The following UGT1A7 variants were observed in gnomAD, a reference collection of about 807,000 sequenced individuals.
UGT1A7 encodes the protein UDP glucuronosyltransferase family 1 member A7.
In UGT1A7, 33 loss-of-function variants were observed where a neutral mutation model predicts 45.6. The observed-to-expected ratio is 0.72, with a 90% confidence interval of 0.55 to 0.97. The LOEUF is 0.97. Ranked by LOEUF, UGT1A7 falls within the 50% of genes least tolerant of loss-of-function variation. The probability of loss-of-function intolerance (pLI) is 0.00; values close to 1 mark genes in which losing one functional copy is unlikely to be tolerated. For synonymous variants in UGT1A7, 274 were observed against 250.6 expected (o/e 1.09, Z -0.88); for missense variants, 684 against 666.2 (o/e 1.03, Z -0.29).
At chr2:233,726,002 C>CA (rs1248368062) in intron 1 of UGT1A7, among the ~76,000 whole-genome samples, 5 of 151,912 alleles carry the variant, frequency 3.3e-5, no homozygotes, top group African/African-American at 1.2e-4. Flanking sequence ...TGCATCTCTA[C>CA]AAAAAATCAA....
chr2:233,683,060 C>A (rs1310432947), intron 1 of UGT1A7, among the ~76,000 whole-genome samples: 6 of 152,048 alleles, frequency 3.9e-5, no homozygotes, highest in Admixed American at 2.6e-4. Context: ...TACAAAAAAA[C>A]CACAGTAAGA....
chr2:233,766,431 T>C (rs2126025401), intron 1 of UGT1A7, among the ~76,000 whole-genome samples: 1 of 152,314 alleles, frequency 6.6e-6, no homozygotes, highest in Middle Eastern at 3.4e-3. Context: ...GATGTCCAGC[T>C]ACCTGTGTGT....
intron 4 of UGT1A7, among the ~76,000 whole-genome samples, chr2:233,768,933 G>C (rs1699758323): frequency 6.6e-6 from 1 of 151,962 alleles, no homozygotes; most frequent in South Asian, 2.1e-4. Flanking sequence ...TTTATAAAAG[G>C]ATTCTTTAGT....
chr2:233,699,373 A>G (rs28898581), intron 1 of UGT1A7, among the ~76,000 whole-genome samples: 1,596 of 152,294 alleles, frequency 0.01, 34 homozygotes, highest in African/African-American at 0.036. Flanking sequence ...GTATGGCTAG[A>G]TTTCAAATAT....
intron 1 of UGT1A7, among the ~76,000 whole-genome samples, chr2:233,766,396 G>A (rs1050069085): frequency 2.0e-5 from 3 of 152,150 alleles, no homozygotes; most frequent in East Asian, 3.9e-4. Context: ...CTGTCCTTGC[G>A]TCCCTCCGCT....
At chr2:233,714,115 C>T (rs575148035) in intron 1 of UGT1A7, among the ~76,000 whole-genome samples, 6 of 152,210 alleles carry the variant, frequency 3.9e-5, no homozygotes, top group African/African-American at 1.4e-4. Context: ...GTGTGACTCA[C>T]GGAGACTGTT....
intron 1 of UGT1A7, among the ~76,000 whole-genome samples, chr2:233,712,715 A>G (rs2125629619): frequency 1.3e-5 from 2 of 151,908 alleles, no homozygotes; most frequent in South Asian, 4.2e-4. Context: ...TTGGGAATTG[A>G]ATGAGAAACA....
intron 1 of UGT1A7, chr2:233,747,180 G>C (rs1336341084): frequency 3.1e-6 from 5 of 1,601,796 alleles, no homozygotes; most frequent in Non-Finnish European, 4.3e-6. Flanking sequence ...CACAGCGTGG[G>C]GTGGACAGTC....
intron 1 of UGT1A7, chr2:233,744,153 G>A (rs1282239718): frequency 6.6e-6 from 2 of 302,660 alleles, no homozygotes; most frequent in Non-Finnish European, 1.3e-5. Flanking sequence ...TCCAAGACCA[G>A]GCCCCGCCCA....
At chr2:233,714,888 A>ATCTTTTTTTTT (rs148944858) in intron 1 of UGT1A7, among the ~76,000 whole-genome samples, 2 of 151,904 alleles carry the variant, frequency 1.3e-5, no homozygotes, top group African/African-American at 2.4e-5. Context: ...AAATTTTTCT[A>ATCTTTTTTTTT]TCTTTTGAGA....
intron 1 of UGT1A7, among the ~76,000 whole-genome samples, chr2:233,742,284 C>G (rs1006206335): frequency 6.6e-6 from 1 of 151,974 alleles, no homozygotes. Context: ...AGCATCATTT[C>G]TATAGATTAT....
chr2:233,732,918 G>A (rs1288769205), intron 1 of UGT1A7, among the ~76,000 whole-genome samples: 3 of 151,996 alleles, frequency 2.0e-5, no homozygotes, highest in Non-Finnish European at 2.9e-5. Flanking sequence ...CCATTTTCAC[G>A]ATATTGATTC....
In UGT1A7 at chr2:233,682,632, C is replaced by G. The variant is rs1559339881; in HGVS notation, c.695C>G (p.Ser232Cys). The G allele has an allele frequency of 2.5e-6, 4 of 1,613,934 alleles. No individual in the cohort carries two copies. The highest frequency in any genetic ancestry group is 3.4e-6 in the Non-Finnish European group (4 of 1,179,846). ...TTCAAAAATGTCTTAGAAATAGCCT[C>G]TGAAATTCTCCAAACCCCTGTCACG... ...YFFKNVLEIA[S>C]EILQTPVTAY... is the part of the protein sequence containing the mutation. Residue 232 changes from serine to cysteine, a missense_variant, in exon 1 of 5, where the codon TCT becomes TGT. Coordinates refer to ENST00000373426, the MANE Select transcript of UGT1A7 (RefSeq NM_019077.3).
intron 1 of UGT1A7, among the ~76,000 whole-genome samples, chr2:233,749,753 G>C (rs1694269310): frequency 1.3e-5 from 2 of 151,876 alleles, no homozygotes; most frequent in South Asian, 2.1e-4. Flanking sequence ...TAGTGAGTGA[G>C]TTCTTATGAG....
chr2:233,720,776 G>A (rs569960725), intron 1 of UGT1A7, among the ~76,000 whole-genome samples: 7 of 148,022 alleles, frequency 4.7e-5, no homozygotes, highest in Admixed American at 2.0e-4. Flanking sequence ...CCGGATCTCC[G>A]CTCACTGCAA....
At chr2:233,729,598 G>C (rs775320084) in intron 1 of UGT1A7, 2 of 1,613,984 alleles carry the variant, frequency 1.2e-6, no homozygotes, top group South Asian at 2.2e-5. Flanking sequence ...TAACCTCTGC[G>C]CGGCAGTGCT....
chr2:233,730,135 G>GA lies in UGT1A7; in HGVS notation c.856-36898dup, dbSNP rs1299530262. ...TCTCCTTGTCATAATAGCCTTCAGT[G>GA]AGATAAACTGTTAAGGGGTCTCTAG... On this transcript the variant is annotated intron_variant, in intron 1 of 4. Coordinates refer to ENST00000373426, the MANE Select transcript of UGT1A7 (RefSeq NM_019077.3). 3.8e-5 allele frequency: 58 copies of GA among 1,528,822 alleles called. No homozygotes were observed. In the African/African-American group the frequency reaches 8.0e-4, roughly 21 times the overall value. 94.7% of individuals were successfully genotyped at this position (1,528,822 alleles called of 1,614,324 possible).
At chr2:233,734,025 G>A (rs2078469594) in intron 1 of UGT1A7, among the ~76,000 whole-genome samples, 1 of 152,102 alleles carries the variant, frequency 6.6e-6, no homozygotes, top group East Asian at 1.9e-4. Context: ...GTTAATGGGT[G>A]CAGCACACCA....
chr2:233,748,015 C>G (rs746722710), intron 1 of UGT1A7: 4 of 1,613,310 alleles, frequency 2.5e-6, no homozygotes. Flanking sequence ...TACCCCAGGC[C>G]GATCATGCCC....
Sources: allele counts gnomAD v4.1 joint callset (sites outside exome capture counted in the v4.1 genomes callset), GRCh38; gene constraint gnomAD v4.1.1; transcripts MANE v1.5; gene names NCBI Gene and HGNC (gene_info 2026-07-23, HGNC 2026-07-21).